Variants in PCDHGA4 observed in about 807,000 individuals in gnomAD.
PCDHGA4 encodes the protein protocadherin gamma-A4.
A neutral mutation model predicts 54.6 loss-of-function variants in PCDHGA4; 38 were observed. The observed-to-expected ratio is 0.70, with a 90% CI of 0.54 to 0.91. The LOEUF (loss-of-function observed/expected upper bound fraction) is 0.91, where lower values mean the gene tolerates loss of function less well. Among genes scored for constraint, PCDHGA4 ranks in the 40% least tolerant of loss-of-function variants. PCDHGA4 has a pLI of 0.00. For synonymous variants in PCDHGA4, 511 were observed against 512.9 expected, an observed-to-expected ratio of 1.00 and a Z score of 0.05; for missense variants, 1,298 against 1,220.9, an observed-to-expected ratio of 1.06 and a Z score of -0.94.
intron 1 of PCDHGA4, among the ~76,000 whole-genome samples, chr5:141,452,253 T>G (rs2098736880): frequency 6.6e-6 from 1 of 152,166 alleles, no homozygotes; most frequent in Admixed American, 6.5e-5. Context: ...TTGCCATAAC[T>G]CTCTCATTTT....
At chr5:141,496,886 C>T (rs1562175671) in intron 2 of PCDHGA4, among the ~76,000 whole-genome samples, 1 of 135,246 alleles carries the variant, frequency 7.4e-6, no homozygotes, top group African/African-American at 2.9e-5. Context: ...ACAAGTAACA[C>T]TTAAAAAAAA....
intron 1 of PCDHGA4, among the ~76,000 whole-genome samples, chr5:141,461,824 T>C (rs958063237): frequency 1.3e-5 from 2 of 151,968 alleles, no homozygotes; most frequent in African/African-American, 4.8e-5. Flanking sequence ...CAGCTAATTT[T>C]TTTTTCTTTT....
intron 1 of PCDHGA4, chr5:141,371,015 TCAC>T: frequency 1.9e-6 from 3 of 1,613,966 alleles, no homozygotes; most frequent in Non-Finnish European, 2.5e-6. Flanking sequence ...AGCAGCCACA[TCAC>T]CACCTGGTCC....
Position 141,477,554 on chromosome 5 carries a change from A to T in PCDHGA4, c.2515-17253A>T. The T allele has an allele frequency of 6.2e-7, 1 of 1,614,112 alleles. No homozygotes were observed. Among genetic ancestry groups the T allele is most frequent in the South Asian group, 1.1e-5 (1 of 91,086 alleles). Reference sequence around the variant, plus strand: ...CCCCGGGGCTCCAATACTAAACCTAAGTGTCTGGGACCCCGACGCCCCGCA... The same window carrying T: ...CCCCGGGGCTCCAATACTAAACCTATGTGTCTGGGACCCCGACGCCCCGCA... On this transcript the variant is annotated intron_variant, in intron 1 of 3. Transcript: ENST00000571252. This position sits in a 1 kb window ranked among gnomAD's most constrained non-coding sequence, Gnocchi z 4.9.
intron 1 of PCDHGA4, chr5:141,422,845 G>A: frequency 6.2e-7 from 1 of 1,614,230 alleles, no homozygotes; most frequent in Non-Finnish European, 8.5e-7. Context: ...TGACAGCGGG[G>A]ACCCGCCCCT....
In PCDHGA4 at chr5:141,432,357, T is replaced by C. The variant is rs778669079; in HGVS notation, c.2515-62450T>C. 6.2e-7 allele frequency: 1 copy of C among 1,614,244 alleles called. No homozygotes were observed. Among genetic ancestry groups the C allele is most frequent in the African/African-American group, 1.3e-5 (1 of 75,072 alleles). The stretch of plus-strand genomic sequence containing the variant: ...TTCCGAGACTTGCAAGTGAAAGTGA[T>C]GGCGCGGGACAACGGGCACCCGCCC... On this transcript the variant is annotated intron_variant, in intron 1 of 3. Coordinates refer to ENST00000571252, the MANE Select transcript of PCDHGA4 (RefSeq NM_018917.4). This position sits in a 1 kb window ranked among gnomAD's most constrained non-coding sequence, Gnocchi z 6.0.
At chr5:141,414,151 G>T in intron 1 of PCDHGA4, 2 of 1,600,336 alleles carry the variant, frequency 1.2e-6, no homozygotes, top group East Asian at 2.3e-5. Flanking sequence ...AATACAAGCA[G>T]AAGATGGAGG....
chr5:141,437,617 C>T (rs570138576), intron 1 of PCDHGA4, among the ~76,000 whole-genome samples: 1 of 152,102 alleles, frequency 6.6e-6, no homozygotes, highest in Admixed American at 6.6e-5. Flanking sequence ...CTGCTTTATC[C>T]CCATATAAGA....
chr5:141,379,889 C>CTTTTT lies in PCDHGA4; in HGVS notation c.2514+22294_2514+22298dup, dbSNP rs70988800. 5.8e-3 allele frequency among the ~76,000 whole-genome samples: 293 copies of CTTTTT among 50,830 alleles called. 35 individuals carry two copies. The highest frequency in any genetic ancestry group is 6.4e-3 in the African/African-American group (97 of 15,076). The allele number at this position is 50,830 out of a possible 152,430, so 33.3% of individuals were successfully genotyped here. A position where few individuals can be genotyped will look rare whatever the true frequency, so the allele number is the denominator to read the frequency against. On this transcript the variant is annotated intron_variant, in intron 1 of 3. Coordinates refer to ENST00000571252, the MANE Select transcript of PCDHGA4 (RefSeq NM_018917.4). ...CTTATTTTATGGTCTGTGAAAGCCTCTTTTTTTTTTTTTTTTTTTTTTTTT... is the reference window on the plus strand; with the variant it reads ...CTTATTTTATGGTCTGTGAAAGCCTCTTTTTTTTTTTTTTTTTTTTTTTTTTTTTT...
chr5:141,393,366 G>A (rs998330932), intron 1 of PCDHGA4: 1 of 1,613,874 alleles, frequency 6.2e-7, no homozygotes, highest in African/African-American at 1.3e-5. Context: ...CGTGCAGACT[G>A]GAGACAATGG....
Position 141,486,271 on chromosome 5 carries a change from C to G in PCDHGA4, c.2515-8536C>G, listed in dbSNP as rs143039217. ...CCCTCCCCGAGAGTGCAGAACCTGG[C>G]ACTGTGGTGGCACTTATCAGTGTGC... On this transcript the variant is annotated intron_variant, in intron 1 of 3. Coordinates refer to ENST00000571252, the MANE Select transcript of PCDHGA4 (RefSeq NM_018917.4). The surrounding 1 kb of genome is among the most constrained non-coding windows in gnomAD (Gnocchi z 5.0). 6.2e-7 allele frequency: 1 copy of G among 1,613,968 alleles called. No homozygotes were observed. Among genetic ancestry groups the G allele is most frequent in the African/African-American group, 1.3e-5 (1 of 74,902 alleles).
chr5:141,419,869 G>A, intron 1 of PCDHGA4: 3 of 1,614,072 alleles, frequency 1.9e-6, no homozygotes, highest in South Asian at 1.1e-5. Flanking sequence ...GCTTGCAAGA[G>A]GTACTGCCGG....
intron 1 of PCDHGA4, chr5:141,404,856 G>C (rs1405688914): frequency 6.2e-7 from 1 of 1,613,890 alleles, no homozygotes; most frequent in Admixed American, 1.7e-5. Flanking sequence ...CTGCTAGATA[G>C]AGATGCGCTC....
At position 141,375,276 on chromosome 5, in the gene PCDHGA4, T is replaced by C. The variant is rs763492378; in HGVS notation, c.2514+17655T>C. On this transcript the variant is annotated intron_variant, in intron 1 of 3. Transcript: ENST00000571252. The stretch of plus-strand genomic sequence containing the variant: ...CTCCCATTTGAATTGGAAAAATCAG[T>C]TGGCAATTATTATCGATTAGTGACA... 10 of 1,613,700 alleles carry C rather than the reference T, an allele frequency of 6.2e-6. No homozygotes were observed. The Admixed American group carries it at 1.3e-4, about 22-fold the overall frequency.
intron 1 of PCDHGA4, chr5:141,413,652 G>A: frequency 6.2e-7 from 1 of 1,613,780 alleles, no homozygotes; most frequent in Non-Finnish European, 8.5e-7. Context: ...TTCCTCTCCC[G>A]GAAGCTATTG....
intron 1 of PCDHGA4, chr5:141,389,522 G>A: frequency 6.2e-7 from 1 of 1,613,178 alleles, no homozygotes; most frequent in Non-Finnish European, 8.5e-7. Context: ...ACGTGAGCCT[G>A]CGCGTGTTAG....
At chr5:141,390,486 G>A (rs1348752991) in intron 1 of PCDHGA4, 3 of 649,258 alleles carry the variant, frequency 4.6e-6, no homozygotes, top group Non-Finnish European at 7.7e-6. Context: ...ACATTTGTTT[G>A]TTTTTTAGCC....
chr5:141,463,176 C>CA (rs2099054640), intron 1 of PCDHGA4, among the ~76,000 whole-genome samples: 1 of 152,100 alleles, frequency 6.6e-6, no homozygotes, highest in African/African-American at 2.4e-5. Flanking sequence ...TATGTATGCT[C>CA]AGATTATTAT....
chr5:141,420,507 A>G (rs548077936), intron 1 of PCDHGA4: 1 of 428,282 alleles, frequency 2.3e-6, no homozygotes, highest in African/African-American at 2.0e-5. Context: ...TGACATTTTT[A>G]TGAAGTAAAA....
Sources: allele counts gnomAD v4.1 joint callset (sites outside exome capture counted in the v4.1 genomes callset), GRCh38; gene constraint gnomAD v4.1.1; non-coding constraint Gnocchi (gnomAD v3.1); transcripts MANE v1.5; gene names NCBI Gene and HGNC (gene_info 2026-07-23, HGNC 2026-07-21).